RAP1GAP2: variants seen among roughly 807,000 people sequenced by gnomAD.
RAP1GAP2 encodes the protein rap1 GTPase-activating protein 2.
A neutral mutation model predicts 95.0 loss-of-function variants in RAP1GAP2; 27 were observed. That is an observed-to-expected ratio of 0.28 (90% confidence interval 0.21 to 0.39). The LOEUF (loss-of-function observed/expected upper bound fraction) is 0.39, where lower values mean the gene tolerates loss of function less well. Among genes scored for constraint, RAP1GAP2 ranks in the 10% least tolerant of loss-of-function variants. The pLI is 1.00. For synonymous variants in RAP1GAP2, 373 were observed against 380.9 expected, an observed-to-expected ratio of 0.98 and a Z score of 0.24; for missense variants, 771 against 970.0, an observed-to-expected ratio of 0.79 and a Z score of 2.72.
Position 3,027,168 on chromosome 17 carries a change from T to G in RAP1GAP2, c.2107+98T>G. On this transcript the variant is annotated intron_variant, in intron 22 of 24. Coordinates refer to ENST00000254695, the MANE Select transcript of RAP1GAP2 (RefSeq NM_015085.5). The surrounding 1 kb of genome is among the most constrained non-coding windows in gnomAD (Gnocchi z 5.2). ...CCCAGCCACGCTGAACTGGCCAGTT[T>G]TCACCCCTCCTCCCAGCTGTGAGGC... 1 of 1,420,752 alleles carries G rather than the reference T, an allele frequency of 7.0e-7. No homozygotes were observed. The highest frequency in any genetic ancestry group is 1.5e-5 in the South Asian group (1 of 68,290). 88.0% of individuals were successfully genotyped at this position (1,420,752 alleles called of 1,614,324 possible).
chr17:3,005,308 C>G lies in RAP1GAP2; in HGVS notation c.1201-61C>G. The G allele has an allele frequency of 6.6e-7, 1 of 1,506,738 alleles. No homozygotes were observed. Among genetic ancestry groups the G allele is most frequent in the Admixed American group, 1.7e-5 (1 of 59,846 alleles). 93.3% of individuals were successfully genotyped at this position (1,506,738 alleles called of 1,614,324 possible). Reference sequence around the variant, plus strand: ...GAGTAGCTTTGTAAGGAGCGTGGCTCCCGTAGGGGCAGCGCTCGTCTCTTC... The same window carrying G: ...GAGTAGCTTTGTAAGGAGCGTGGCTGCCGTAGGGGCAGCGCTCGTCTCTTC... On this transcript the variant is annotated intron_variant, in intron 14 of 24. Coordinates refer to ENST00000254695, the MANE Select transcript of RAP1GAP2 (RefSeq NM_015085.5). The surrounding 1 kb of genome is among the most constrained non-coding windows in gnomAD (Gnocchi z 5.2).
exon 1 of RAP1GAP2, chr17:2,755,747 G>T: frequency 5.7e-6 from 2 of 352,256 alleles, no homozygotes; most frequent in Non-Finnish European, 1.0e-5. Context: ...CGGGGGAGAA[G>T]CGCTGGCAGC....
rs1175499235 is a variant in RAP1GAP2, at chr17:3,020,514, G to A, written c.1670G>A (p.Arg557Gln). Reference protein sequence around the residue: ...VVAATVKNQSRSPIKRRSGLF... With the variant: ...VVAATVKNQSQSPIKRRSGLF... ...GCGGCAACGGTGAAGAACCAGTCACGGAGTCCCATCAAGCGACGCTCGGGG... is the reference window on the plus strand; with the variant it reads ...GCGGCAACGGTGAAGAACCAGTCACAGAGTCCCATCAAGCGACGCTCGGGG... Residue 557 changes from arginine to glutamine, a missense_variant, in exon 19 of 25, where the codon CGG becomes CAG. Arg to Gln is a conservative substitution (Grantham distance 43). Transcript: ENST00000254695. 1.9e-5 allele frequency: 31 copies of A among 1,613,768 alleles called. No individual in the cohort carries two copies. Among genetic ancestry groups the A allele is most frequent in the Non-Finnish European group, 2.5e-5 (29 of 1,179,868 alleles).
At chr17:2,887,331 T>TA (rs1410768868) in intron 2 of RAP1GAP2, among the ~76,000 whole-genome samples, 1 of 152,136 alleles carries the variant, frequency 6.6e-6, no homozygotes, top group Non-Finnish European at 1.5e-5. Context: ...GTGCTACTAT[T>TA]ACAGGCATGA....
intron 2 of RAP1GAP2, among the ~76,000 whole-genome samples, chr17:2,863,484 T>C (rs1227391588): frequency 6.6e-6 from 1 of 152,174 alleles, no homozygotes; most frequent in African/African-American, 2.4e-5. Flanking sequence ...GACCTTGCCT[T>C]ATGGTTAGTC....
intron 1 of RAP1GAP2, among the ~76,000 whole-genome samples, chr17:2,785,205 G>A (rs763368439): frequency 2.6e-5 from 4 of 152,072 alleles, no homozygotes; most frequent in African/African-American, 7.2e-5. Context: ...CCCATCTAAC[G>A]CAGCCCTCAT....
At chr17:2,960,123 C>CAAAAAAAAAA (rs71153316) in intron 4 of RAP1GAP2, among the ~76,000 whole-genome samples, 3 of 80,974 alleles carry the variant, frequency 3.7e-5, no homozygotes, top group African/African-American at 1.5e-4. Context: ...GACTCCATCT[C>CAAAAAAAAAA]AAAAAAAAAA....
intron 2 of RAP1GAP2, among the ~76,000 whole-genome samples, chr17:2,889,882 TATA>T (rs1344989895): frequency 9.6e-5 from 8 of 83,722 alleles, no homozygotes; most frequent in South Asian, 4.4e-4. Flanking sequence ...TATATATATA[TATA>T]TATATTTTTT....
intron 2 of RAP1GAP2, among the ~76,000 whole-genome samples, chr17:2,771,068 A>C (rs549859168): frequency 9.8e-4 from 149 of 151,778 alleles, no homozygotes; most frequent in African/African-American, 3.5e-3. Flanking sequence ...AAACAAACAA[A>C]CAACAAACAA....
chr17:2,834,316 G>GC (rs2071037564), intron 2 of RAP1GAP2, among the ~76,000 whole-genome samples: 1 of 152,190 alleles, frequency 6.6e-6, no homozygotes, highest in Admixed American at 6.6e-5. Context: ...TGCTGAAGGA[G>GC]CTGAGCCAGC....
intron 3 of RAP1GAP2, among the ~76,000 whole-genome samples, chr17:2,935,102 G>A (rs2043264157): frequency 6.6e-6 from 1 of 152,186 alleles, no homozygotes; most frequent in African/African-American, 2.4e-5. Flanking sequence ...CTGACTATGG[G>A]TTTGCATTGC....
rs147310590 is a variant in RAP1GAP2 at position 2,837,851 on chromosome 17, C to G, written c.80+37301C>G. On this transcript the variant is annotated intron_variant, in intron 2 of 24. Coordinates refer to ENST00000254695, the MANE Select transcript of RAP1GAP2 (RefSeq NM_015085.5). ...TCGATCCCCTGACCTTGTGATCTGT[C>G]TGCCTTGGCCTCCCAAAGTGCTGGG... Among the ~76,000 whole-genome samples, 503 of 151,980 alleles carry G rather than the reference C, an allele frequency of 3.3e-3. 1 individual carries two copies. The highest frequency in any genetic ancestry group is 0.011 in the African/African-American group (474 of 41,476).
In RAP1GAP2 at chr17:2,987,636, C is replaced by T. The variant is rs1217432132; in HGVS notation, c.813+2570C>T. Among the ~76,000 whole-genome samples the T allele has an allele frequency of 2.6e-5, 4 of 152,160 alleles. No homozygotes were observed. The East Asian group carries it at 7.7e-4, about 29-fold the overall frequency. ...TTGGCCTCCCAAAGTGCTGGTATTACAGGGGTGAGCCACTGCACCCAGCAA... is the reference window on the plus strand; with the variant it reads ...TTGGCCTCCCAAAGTGCTGGTATTATAGGGGTGAGCCACTGCACCCAGCAA... On this transcript the variant is annotated intron_variant, in intron 11 of 24. Transcript: ENST00000254695.
At chr17:2,900,231 T>TTATTAG (rs1477801452) in intron 2 of RAP1GAP2, among the ~76,000 whole-genome samples, 1 of 152,182 alleles carries the variant, frequency 6.6e-6, no homozygotes, top group Admixed American at 6.5e-5. Context: ...ACGGTTATGA[T>TTATTAG]CCTGAGAGTA....
chr17:2,771,185 C>T (rs969729508), intron 2 of RAP1GAP2, among the ~76,000 whole-genome samples: 2 of 152,120 alleles, frequency 1.3e-5, no homozygotes. Context: ...TTGCTGGGCA[C>T]ACTTTGCTTT....
In RAP1GAP2 at chr17:3,003,206, C is replaced by T. The variant is rs972826848; in HGVS notation, c.1201-2163C>T. Among the ~76,000 whole-genome samples the T allele has an allele frequency of 5.3e-5, 8 of 152,210 alleles. No individual in the cohort carries two copies. The highest frequency in any genetic ancestry group is 3.4e-3 in the Middle Eastern group (1 of 294). ...CTGAGGTCCTGTCTGGGTCTGCTTG[C>T]GGTCTTGGTCATTGAGCCATCAGAG... is the stretch of plus-strand genomic sequence containing the variant. On this transcript the variant is annotated intron_variant, in intron 14 of 24. Transcript: ENST00000254695. This position sits in a 1 kb window ranked among gnomAD's most constrained non-coding sequence, Gnocchi z 4.1.
In RAP1GAP2 at chr17:2,780,654, A is replaced by T. The variant is rs59587619; in HGVS notation, c.-14+3376A>T. On this transcript the variant is annotated intron_variant, in intron 1 of 24. Transcript: ENST00000540393. Reference sequence around the variant, plus strand: ...TGGCCTTACAAAGGTCACTGCGTTCATCCCTCTGCCTGCAGGCAGGGTCAC... The same window carrying T: ...TGGCCTTACAAAGGTCACTGCGTTCTTCCCTCTGCCTGCAGGCAGGGTCAC... Among the ~76,000 whole-genome samples, 440 of 152,282 alleles carry T rather than the reference A, an allele frequency of 2.9e-3. 1 individual carries two copies. The highest frequency in any genetic ancestry group is 0.01 in the African/African-American group (416 of 41,558).
chr17:2,806,553 C>T (rs759125585), intron 2 of RAP1GAP2, among the ~76,000 whole-genome samples: 4 of 150,712 alleles, frequency 2.7e-5, no homozygotes, highest in African/African-American at 7.3e-5. Flanking sequence ...CCACCGTGCC[C>T]GGCTACTTTT....
chr17:2,856,706 G>A (rs886278032), intron 2 of RAP1GAP2, among the ~76,000 whole-genome samples: 6 of 152,134 alleles, frequency 3.9e-5, no homozygotes, highest in Admixed American at 3.3e-4. Context: ...GCTGGGACCC[G>A]GGTACCCCAG....
Sources: gnomAD v4.1 joint callset for allele counts (sites outside exome capture counted in the v4.1 genomes callset) on GRCh38, gnomAD v4.1.1 for gene constraint, Gnocchi (gnomAD v3.1) non-coding constraint, MANE v1.5 for transcripts, NCBI Gene and HGNC (gene_info 2026-07-23, HGNC 2026-07-21) for gene names.